Variants in LAMC1 observed in about 807,000 individuals in gnomAD.
The protein encoded by LAMC1 is laminin subunit gamma-1.
Under a neutral mutation model 173.6 loss-of-function variants are expected in LAMC1, and 38 were observed. The ratio of observed to expected loss-of-function variants is 0.22; its 90% CI spans 0.17 to 0.29. The LOEUF (loss-of-function observed/expected upper bound fraction) is 0.29, where lower values mean the gene tolerates loss of function less well. Among genes scored for constraint, LAMC1 ranks in the 10% least tolerant of loss-of-function variants. The pLI, the probability that LAMC1 is intolerant of heterozygous loss-of-function variation, is 1.00. For missense variants in LAMC1, 1,824 were observed against 2,051.8 expected (o/e 0.89, Z 2.14); for synonymous variants, 746 against 749.1 (o/e 1.00, Z 0.07).
chr1:183,139,260 A>T (rs1400168374), intron 26 of LAMC1, among the ~76,000 whole-genome samples: 2 of 152,208 alleles, frequency 1.3e-5, no homozygotes, highest in African/African-American at 4.8e-5. Context: ...AAGGAAACAA[A>T]CCACCCTCAC....
In LAMC1 at chr1:183,023,490, A is replaced by C; in HGVS notation, c.-227A>C. On this transcript the variant is annotated 5_prime_UTR_variant, in exon 1 of 28. Transcript: ENST00000258341. ...GGCTGCTCCCGGGGTAGGTGAGGGAAGCGCGGAGGCGGCGCGCGGGGGCAG... is the reference window on the plus strand; with the variant it reads ...GGCTGCTCCCGGGGTAGGTGAGGGACGCGCGGAGGCGGCGCGCGGGGGCAG... 2 of 210,322 alleles carry C rather than the reference A, an allele frequency of 9.5e-6. No homozygotes were observed. The highest frequency in any genetic ancestry group is 9.2e-6 in the Non-Finnish European group (1 of 108,398). 13.0% of individuals were successfully genotyped at this position (210,322 alleles called of 1,614,324 possible).
chr1:183,106,255 C>T (rs1303885009), intron 2 of LAMC1, among the ~76,000 whole-genome samples: 3 of 152,138 alleles, frequency 2.0e-5, no homozygotes, highest in Non-Finnish European at 4.4e-5. Context: ...GTGATAAGGT[C>T]GAAGCCTTGT....
intron 1 of LAMC1, among the ~76,000 whole-genome samples, chr1:183,033,699 TA>T (rs768349398): frequency 2.6e-5 from 4 of 152,148 alleles, no homozygotes; most frequent in Admixed American, 1.3e-4. Flanking sequence ...GAGAAACTTT[TA>T]TTTTTTTTTG....
chr1:183,038,964 C>T (rs937518016), intron 1 of LAMC1, among the ~76,000 whole-genome samples: 4 of 151,898 alleles, frequency 2.6e-5, no homozygotes, highest in Admixed American at 6.6e-5. Flanking sequence ...AGGGATAGGT[C>T]CTGGTTTAAT....
chr1:183,142,889 C>T lies in LAMC1; in HGVS notation c.*99C>T, dbSNP rs1657155185. 6 of 1,260,266 alleles carry T rather than the reference C, an allele frequency of 4.8e-6. No individual in the cohort carries two copies. In the Admixed American group the frequency reaches 1.2e-4, roughly 24 times the overall value. The allele number at this position is 1,260,266 out of a possible 1,614,324, so 78.1% of individuals were successfully genotyped here. On this transcript the variant is annotated 3_prime_UTR_variant, in exon 28 of 28. Coordinates refer to ENST00000258341, the MANE Select transcript of LAMC1 (RefSeq NM_002293.4). ...AGATTACATTTTTCAGACCCCCACT[C>T]CTCTGCTGCTGTCCATGACTGTCCT...
At chr1:183,117,111 C>G in intron 8 of LAMC1, 1 of 679,686 alleles carries the variant, frequency 1.5e-6, no homozygotes, top group Non-Finnish European at 2.4e-6. Flanking sequence ...ATGGTGATTA[C>G]AAATGTTATA....
At chr1:183,103,717 C>A in intron 2 of LAMC1, 85 bp downstream of exon 2, 1 of 1,233,400 alleles carries the variant, frequency 8.1e-7, no homozygotes, top group Non-Finnish European at 1.1e-6. Context: ...GCTTGTGGTC[C>A]CACTTCTGAG....
intron 25 of LAMC1, among the ~76,000 whole-genome samples, chr1:183,137,239 G>A (rs1311556694): frequency 6.6e-6 from 1 of 152,130 alleles, no homozygotes; most frequent in African/African-American, 2.4e-5. Flanking sequence ...CAGGATTGTG[G>A]TCTTTTTGTA....
chr1:183,121,663 T>C, intron 11 of LAMC1, 60 bp from the exon 12 acceptor site: 2 of 1,466,976 alleles, frequency 1.4e-6, no homozygotes, highest in Admixed American at 4.2e-5. Flanking sequence ...TGTTACTGAC[T>C]TTACACAAGG....
intron 1 of LAMC1, among the ~76,000 whole-genome samples, chr1:183,060,149 C>T (rs1398456705): frequency 3.3e-5 from 5 of 152,082 alleles, no homozygotes; most frequent in Non-Finnish European, 7.4e-5. Context: ...TCACCCTTGG[C>T]CCCTCATCAT....
At chr1:183,040,592 G>A (rs1654104443) in intron 1 of LAMC1, among the ~76,000 whole-genome samples, 1 of 152,186 alleles carries the variant, frequency 6.6e-6, no homozygotes, top group Admixed American at 6.5e-5. Flanking sequence ...CATCATTAGT[G>A]TTAAAAAGAG....
intron 1 of LAMC1, among the ~76,000 whole-genome samples, chr1:183,094,058 C>T (rs1378793731): frequency 1.3e-5 from 2 of 152,178 alleles, no homozygotes; most frequent in Non-Finnish European, 2.9e-5. Flanking sequence ...TTACAGTGAT[C>T]TACAGAGCCC....
chr1:183,117,806 T>A, intron 10 of LAMC1, 83 bp downstream of exon 10: 1 of 1,243,590 alleles, frequency 8.0e-7, no homozygotes, highest in Non-Finnish European at 1.1e-6. Context: ...GGCCTCTAGA[T>A]GTATTTTAAA....
Position 183,140,457 on chromosome 1 carries a change from T to C in LAMC1, c.4527T>C (p.Ser1509=), listed in dbSNP as rs1188915859. Residue 1509 remains serine (S), a synonymous_variant, in exon 27 of 28, where the codon TCT becomes TCC. Coordinates refer to ENST00000258341, the MANE Select transcript of LAMC1 (RefSeq NM_002293.4). ...AEINARKAKN[S]VTSLLSIIND... is the part of the protein sequence containing the mutation. ...TCAATGCCAGAAAAGCCAAAAACTCTGTTACTAGCCTCCTCAGCATTATTA... is the reference window on the plus strand; with the variant it reads ...TCAATGCCAGAAAAGCCAAAAACTCCGTTACTAGCCTCCTCAGCATTATTA... The C allele has an allele frequency of 1.2e-6, 2 of 1,613,662 alleles. No homozygotes were observed. Among genetic ancestry groups the C allele is most frequent in the African/African-American group, 1.3e-5 (1 of 74,898 alleles).
intron 16 of LAMC1, among the ~76,000 whole-genome samples, chr1:183,126,977 T>C (rs1002974489): frequency 1.3e-5 from 2 of 152,230 alleles, no homozygotes; most frequent in African/African-American, 4.8e-5. Context: ...ACTTCTCTAA[T>C]TGCTAAGTAA....
chr1:183,065,765 G>C (rs1361405015), intron 1 of LAMC1, among the ~76,000 whole-genome samples: 1 of 152,190 alleles, frequency 6.6e-6, no homozygotes. Flanking sequence ...GAAGTCTGGA[G>C]CTCTGAGAAG....
At chr1:183,100,737 G>A (rs1337500587) in intron 1 of LAMC1, among the ~76,000 whole-genome samples, 2 of 152,166 alleles carry the variant, frequency 1.3e-5, no homozygotes, top group South Asian at 2.1e-4. Context: ...GTCTGTATGC[G>A]CCGTTGGGTT....
Position 183,117,717 on chromosome 1 carries a change from T to C in LAMC1, c.1871T>C (p.Val624Ala). 1 of 1,612,556 alleles carries C rather than the reference T, an allele frequency of 6.2e-7. No homozygotes were observed. Among genetic ancestry groups the C allele is most frequent in the Non-Finnish European group, 8.5e-7 (1 of 1,179,048 alleles). Reference sequence around the variant, plus strand: ...CCAAGTGAGACCACTGTGAAGTATGTCTTCAGGTAAGATAGCCTTCTTTGT... The same window carrying C: ...CCAAGTGAGACCACTGTGAAGTATGCCTTCAGGTAAGATAGCCTTCTTTGT... ...SYPSETTVKY[V>A]FRLHEATDYP... The change falls in exon 10 of 28, where the codon GTC becomes GCC. Residue 624 changes from valine to alanine, a missense_variant. Coordinates refer to ENST00000258341, the MANE Select transcript of LAMC1 (RefSeq NM_002293.4).
rs753715089 is a variant in LAMC1 at position 183,121,875 on chromosome 1, C to A, written c.2143C>A (p.Leu715Ile). The A allele has an allele frequency of 6.2e-7, 1 of 1,614,088 alleles. No individual in the cohort carries two copies. Among genetic ancestry groups the A allele is most frequent in the Non-Finnish European group, 8.5e-7 (1 of 1,180,044 alleles). Reference protein sequence around the residue: ...LSGYRRETPNLGPYSPCVLCA... With the variant: ...LSGYRRETPNIGPYSPCVLCA... ...AGGTTACAGAAGAGAAACTCCTAAT[C>A]TTGGACCATACAGTCCATGTGTGCT... Residue 715 changes from leucine to isoleucine, a missense_variant, in exon 12 of 28, where the codon CTT (leucine) becomes ATT (isoleucine). Leu to Ile is a conservative substitution (Grantham distance 5). Transcript: ENST00000258341.
Sources: allele counts gnomAD v4.1 joint callset (sites outside exome capture counted in the v4.1 genomes callset), GRCh38; gene constraint gnomAD v4.1.1; transcripts MANE v1.5; gene names NCBI Gene and HGNC (gene_info 2026-07-23, HGNC 2026-07-21).